CDH11: variants seen among roughly 807,000 people sequenced by gnomAD.
CDH11 encodes the protein cadherin 11, also known as cadherin-11.
CDH11 carries 11 observed loss-of-function variants against 67.8 expected under a neutral mutation model. The observed-to-expected ratio is 0.16, with a 90% confidence interval of 0.10 to 0.27. The LOEUF is 0.27. Among genes scored for constraint, CDH11 ranks in the 10% least tolerant of loss-of-function variants. The pLI, the probability that CDH11 is intolerant of heterozygous loss-of-function variation, is 1.00. For synonymous variants in CDH11, 419 were observed against 400.0 expected (o/e 1.05, Z -0.57); for missense variants, 847 against 1,031.2 (o/e 0.82, Z 2.45).
At chr16:64,993,407 T>C (rs1368893424) in intron 4 of CDH11, among the ~76,000 whole-genome samples, 2 of 152,164 alleles carry the variant, frequency 1.3e-5, no homozygotes, top group South Asian at 2.1e-4. Flanking sequence ...TCCCAGAGTA[T>C]AATAAATGAT....
intron 2 of CDH11, among the ~76,000 whole-genome samples, chr16:65,014,561 C>T: frequency 6.6e-6 from 1 of 152,092 alleles, no homozygotes; most frequent in East Asian, 1.9e-4. Flanking sequence ...GCAGCACAGG[C>T]ATAGGGGATT....
intron 1 of CDH11, among the ~76,000 whole-genome samples, chr16:65,078,675 G>A (rs1391308869): frequency 6.6e-6 from 1 of 152,078 alleles, no homozygotes; most frequent in Non-Finnish European, 1.5e-5. Context: ...CATTTATCAG[G>A]TGCTGTTTTC....
chr16:65,073,099 TC>T (rs1218723180), intron 1 of CDH11, among the ~76,000 whole-genome samples: 7 of 152,056 alleles, frequency 4.6e-5, no homozygotes, highest in African/African-American at 1.7e-4. Context: ...TTATTGAAAA[TC>T]CAATAATATA....
At chr16:65,090,931 T>C (rs1357529806) in intron 1 of CDH11, among the ~76,000 whole-genome samples, 1 of 152,184 alleles carries the variant, frequency 6.6e-6, no homozygotes, top group Non-Finnish European at 1.5e-5. Flanking sequence ...TACTAATATA[T>C]AGTAATTAAA....
intron 2 of CDH11, among the ~76,000 whole-genome samples, chr16:65,022,162 A>G (rs1362302648): frequency 6.6e-6 from 1 of 152,170 alleles, no homozygotes; most frequent in Admixed American, 6.5e-5. Context: ...GGACAGATAT[A>G]AATCTGAGAA....
At chr16:64,970,426 C>T (rs752919027) in intron 11 of CDH11, among the ~76,000 whole-genome samples, 2 of 152,108 alleles carry the variant, frequency 1.3e-5, no homozygotes, top group Non-Finnish European at 2.9e-5. Context: ...CCAGCCGTAA[C>T]TTTTATTTGG....
intron 2 of CDH11, among the ~76,000 whole-genome samples, chr16:65,029,360 G>A (rs894256155): frequency 6.6e-6 from 1 of 152,054 alleles, no homozygotes; most frequent in Non-Finnish European, 1.5e-5. Flanking sequence ...CTACATAGTC[G>A]TTTTGTCGAA....
At chr16:65,036,786 A>G (rs574340377) in intron 2 of CDH11, among the ~76,000 whole-genome samples, 7 of 152,314 alleles carry the variant, frequency 4.6e-5, no homozygotes, top group East Asian at 1.9e-4. Flanking sequence ...CCAGCTCCCA[A>G]TGGAAGATAC....
In CDH11 at chr16:64,963,612, C is replaced by T. The variant is rs80022083; in HGVS notation, c.1642+7967G>A. Among the ~76,000 whole-genome samples, 32 of 152,108 alleles carry T rather than the reference C, an allele frequency of 2.1e-4. No individual in the cohort carries two copies. In the East Asian group the frequency reaches 6.2e-3, roughly 29 times the overall value. ...TGCAGAAAGCTCAGAGAACATCAAGCTGTATCAATGCCAAAAAGGAAGTCC... is the reference window on the plus strand; with the variant it reads ...TGCAGAAAGCTCAGAGAACATCAAGTTGTATCAATGCCAAAAAGGAAGTCC... On this transcript the variant is annotated intron_variant, in intron 11 of 12. Coordinates refer to ENST00000268603, the MANE Select transcript of CDH11 (RefSeq NM_001797.4).
Position 64,976,629 on chromosome 16 carries a change from C to T in CDH11, c.1254-3589G>A, listed in dbSNP as rs191473432. ...CAGCACTTTGGGAGGCCAAGGTGGG[C>T]GGATCACCAGAGGTCAGGAGTTCAA... On this transcript the variant is annotated intron_variant, in intron 8 of 12. Coordinates refer to ENST00000268603, the MANE Select transcript of CDH11 (RefSeq NM_001797.4). 2.4e-3 allele frequency among the ~76,000 whole-genome samples: 366 copies of T among 152,144 alleles called. 2 individuals are homozygous for T. Among genetic ancestry groups the T allele is most frequent in the African/African-American group, 7.7e-3 (320 of 41,502 alleles).
At chr16:64,989,162 A>C (rs1001237044) in intron 6 of CDH11, among the ~76,000 whole-genome samples, 1 of 152,066 alleles carries the variant, frequency 6.6e-6, no homozygotes, top group Non-Finnish European at 1.5e-5. Context: ...AAAGTAGGGT[A>C]AAAGGGTGAG....
rs1327071809 is a variant in CDH11, at chr16:65,053,864, G to A, written c.-233C>T. The A allele has an allele frequency of 2.2e-6, 1 of 456,000 alleles. No individual in the cohort carries two copies. Among genetic ancestry groups the A allele is most frequent in the South Asian group, 1.5e-5 (1 of 64,556 alleles). 28.2% of individuals were successfully genotyped at this position (456,000 alleles called of 1,614,324 possible). A position where few individuals can be genotyped will look rare whatever the true frequency, so the allele number is the denominator to read the frequency against. On this transcript the variant is annotated 5_prime_UTR_variant, in exon 2 of 13. Transcript: ENST00000268603. ...GTAACACACTCCACCCATCTGATTG[G>A]TCACTCAACAAATGACAACACGAAG...
At chr16:65,122,492 G>C (rs925626845), upstream of CDH11, 2 of 161,966 alleles carry the variant, frequency 1.2e-5, no homozygotes, top group African/African-American at 4.8e-5. Context: ...GGCCAGGCTG[G>C]GCTCTCGCCT....
At chr16:65,085,215 A>C (rs2142813147) in intron 1 of CDH11, among the ~76,000 whole-genome samples, 1 of 152,296 alleles carries the variant, frequency 6.6e-6, no homozygotes, top group Non-Finnish European at 1.5e-5. Context: ...CTGGCCTTAA[A>C]AAATTATTTC....
intron 1 of CDH11, among the ~76,000 whole-genome samples, chr16:65,072,612 T>C (rs1381357069): frequency 1.3e-5 from 2 of 152,226 alleles, no homozygotes; most frequent in Non-Finnish European, 2.9e-5. Context: ...ATTTTTAACT[T>C]AAAAACCTAA....
At chr16:65,059,650 T>G (rs944123880) in intron 1 of CDH11, 5 of 152,162 alleles carry the variant, frequency 3.3e-5, no homozygotes, top group Non-Finnish European at 5.9e-5. Flanking sequence ...CCCTGAGCCC[T>G]GAAAGGCCCA....
intron 1 of CDH11, among the ~76,000 whole-genome samples, chr16:65,059,330 A>G (rs923760595): frequency 1.3e-5 from 2 of 152,192 alleles, no homozygotes; most frequent in African/African-American, 2.4e-5. Flanking sequence ...CTGAGCCCCA[A>G]ATGGATTTGA....
chr16:65,108,964 T>C (rs527893418), intron 1 of CDH11, among the ~76,000 whole-genome samples: 3 of 152,112 alleles, frequency 2.0e-5, no homozygotes, highest in South Asian at 2.1e-4. Context: ...CTGGCCAACA[T>C]GGTAAAACCC....
intron 2 of CDH11, among the ~76,000 whole-genome samples, chr16:65,027,757 T>G (rs2073562995): frequency 6.6e-6 from 1 of 152,174 alleles, no homozygotes; most frequent in Non-Finnish European, 1.5e-5. Flanking sequence ...AACCATGACA[T>G]TGGCTTGGAC....
Sources: allele counts gnomAD v4.1 joint callset (sites outside exome capture counted in the v4.1 genomes callset), GRCh38; gene constraint gnomAD v4.1.1; transcripts MANE v1.5; gene names NCBI Gene and HGNC (gene_info 2026-07-23, HGNC 2026-07-21).